The following ST3GAL1 variants were observed in gnomAD, a reference collection of about 807,000 sequenced individuals.
ST3GAL1 encodes ST3 beta-galactoside alpha-2,3-sialyltransferase 1.
A neutral mutation model predicts 34.1 loss-of-function variants in ST3GAL1; 16 were observed. That is an observed-to-expected ratio of 0.47 (90% CI 0.32 to 0.71). The LOEUF is 0.71. Ranked by LOEUF, ST3GAL1 falls within the 30% of genes least tolerant of loss-of-function variation. The pLI, the probability that ST3GAL1 is intolerant of heterozygous loss-of-function variation, is 0.04. For synonymous variants in ST3GAL1, 191 were observed against 184.7 expected (o/e 1.03, Z -0.28); for missense variants, 353 against 447.4 (o/e 0.79, Z 1.90).
At chr8:133,480,441 T>G (rs1487819147) in intron 3 of ST3GAL1, among the ~76,000 whole-genome samples, 1 of 152,060 alleles carries the variant, frequency 6.6e-6, no homozygotes, top group Admixed American at 6.6e-5. Flanking sequence ...GGGATGGTAG[T>G]AAATACCCAT....
intron 2 of ST3GAL1, among the ~76,000 whole-genome samples, chr8:133,510,135 G>A (rs181777571): frequency 4.6e-5 from 7 of 151,094 alleles, no homozygotes; most frequent in East Asian, 3.9e-4. Flanking sequence ...CTGGTTTCCC[G>A]CTGTCCCTAC....
In ST3GAL1 at chr8:133,571,239, C is replaced by G. The variant is rs560571108; in HGVS notation, c.-582+454G>C. 6.6e-6 allele frequency among the ~76,000 whole-genome samples: 1 copy of G among 152,332 alleles called. No homozygotes were observed. The highest frequency in any genetic ancestry group is 2.4e-5 in the African/African-American group (1 of 41,580). Reference sequence around the variant, plus strand: ...CCAAATCCGCTCGAGAGCGCCTGAGCCCGGCCACCCAGCGAGGTCTCCTCC... The same window carrying G: ...CCAAATCCGCTCGAGAGCGCCTGAGGCCGGCCACCCAGCGAGGTCTCCTCC... On this transcript the variant is annotated intron_variant, in intron 1 of 9. Coordinates refer to ENST00000522652, the MANE Select transcript of ST3GAL1 (RefSeq NM_173344.3). This position sits in a 1 kb window ranked among gnomAD's most constrained non-coding sequence, Gnocchi z 6.7.
rs111394187 is a variant in ST3GAL1 at position 133,516,703 on chromosome 8, T to C, written c.-428-17514A>G. Among the ~76,000 whole-genome samples the C allele has an allele frequency of 2.0e-4, 30 of 152,346 alleles. 1 individual carries two copies. Among genetic ancestry groups the C allele is most frequent in the African/African-American group, 6.7e-4 (28 of 41,590 alleles). On this transcript the variant is annotated intron_variant, in intron 2 of 9. Coordinates refer to ENST00000522652, the MANE Select transcript of ST3GAL1 (RefSeq NM_173344.3). ...GCTGGCAGGGCAGCAATTATAAAAG[T>C]GGCCAGCCCAATGTCACAGCTAAAA...
chr8:133,512,656 G>A (rs996994226), intron 2 of ST3GAL1, among the ~76,000 whole-genome samples: 1 of 152,148 alleles, frequency 6.6e-6, no homozygotes, highest in Non-Finnish European at 1.5e-5. Context: ...TCCGCACAGG[G>A]TTGGTCCAGG....
intron 2 of ST3GAL1, among the ~76,000 whole-genome samples, chr8:133,500,424 G>A (rs186284432): frequency 2.0e-3 from 304 of 152,310 alleles, no homozygotes; most frequent in Middle Eastern, 6.8e-3. Flanking sequence ...TTACAAGTAA[G>A]TACTTTTCAG....
chr8:133,555,932 T>C (rs1271338556), intron 1 of ST3GAL1, among the ~76,000 whole-genome samples: 1 of 152,188 alleles, frequency 6.6e-6, no homozygotes. Flanking sequence ...TTCACTTTGG[T>C]GCCCAGGCTG....
At chr8:133,501,474 T>G (rs1470612842) in intron 2 of ST3GAL1, among the ~76,000 whole-genome samples, 1 of 151,990 alleles carries the variant, frequency 6.6e-6, no homozygotes, top group Non-Finnish European at 1.5e-5. Context: ...TCTGGCCGGG[T>G]GCAGTGGTTC....
intron 1 of ST3GAL1, among the ~76,000 whole-genome samples, chr8:133,563,615 G>A (rs968551748): frequency 3.9e-5 from 6 of 152,166 alleles, no homozygotes; most frequent in African/African-American, 1.2e-4. Context: ...CACGATAAGC[G>A]CCAGCATTCA....
chr8:133,492,712 ACT>A (rs1313685741), intron 3 of ST3GAL1, among the ~76,000 whole-genome samples: 2 of 151,926 alleles, frequency 1.3e-5, no homozygotes, highest in Admixed American at 6.6e-5. Flanking sequence ...ACAGAGCAAA[ACT>A]CTGTCTCAAA....
intron 3 of ST3GAL1, among the ~76,000 whole-genome samples, chr8:133,493,923 A>G (rs903206403): frequency 6.6e-6 from 1 of 151,050 alleles, no homozygotes; most frequent in Non-Finnish European, 1.5e-5. Context: ...GACTCTTTTC[A>G]CCTTCTTCTC....
rs1819045555 is a variant in ST3GAL1, at chr8:133,556,843, T to C, written c.-581-10917A>G. ...GGGGGGACATTTTGTTCTTTTGGCC[T>C]CTTAGATGATAAAACTAAGTGGAGG... On this transcript the variant is annotated intron_variant, in intron 1 of 9. Coordinates refer to ENST00000522652, the MANE Select transcript of ST3GAL1 (RefSeq NM_173344.3). The surrounding 1 kb of genome is among the most constrained non-coding windows in gnomAD (Gnocchi z 8.9). Among the ~76,000 whole-genome samples the C allele has an allele frequency of 6.6e-6, 1 of 152,162 alleles. No individual in the cohort carries two copies. Among genetic ancestry groups the C allele is most frequent in the Non-Finnish European group, 1.5e-5 (1 of 68,046 alleles).
At position 133,455,587 on chromosome 8, in the gene ST3GAL1, G is replaced by C. The variant is rs762150864; in HGVS notation, c.*4177C>G. 1 of 152,266 alleles carries C rather than the reference G, an allele frequency of 6.6e-6. No individual in the cohort carries two copies. Among genetic ancestry groups the C allele is most frequent in the Non-Finnish European group, 1.5e-5 (1 of 68,074 alleles). The allele number at this position is 152,266 out of a possible 1,614,324, so 9.4% of individuals were successfully genotyped here. On this transcript the variant is annotated 3_prime_UTR_variant, in exon 10 of 10. Coordinates refer to ENST00000522652, the MANE Select transcript of ST3GAL1 (RefSeq NM_173344.3). ...CCAGTCCACAGGGCAGGATAATCCT[G>C]ATGGCGTGTAGCCACATTTGCTGCA...
rs113140582 is a variant in ST3GAL1 at position 133,552,435 on chromosome 8, G to A, written c.-581-6509C>T. Among the ~76,000 whole-genome samples, 33 of 152,340 alleles carry A rather than the reference G, an allele frequency of 2.2e-4. 1 individual carries two copies. The highest frequency in any genetic ancestry group is 7.7e-4 in the African/African-American group (32 of 41,584). On this transcript the variant is annotated intron_variant, in intron 1 of 9. Coordinates refer to ENST00000522652, the MANE Select transcript of ST3GAL1 (RefSeq NM_173344.3). ...GTGCTGGAAGGCCCTCAGCAGAGCCGTTGGCTGGGCTGCATGTCGAGAACC... is the reference window on the plus strand; with the variant it reads ...GTGCTGGAAGGCCCTCAGCAGAGCCATTGGCTGGGCTGCATGTCGAGAACC...
intron 3 of ST3GAL1, among the ~76,000 whole-genome samples, chr8:133,482,819 C>T (rs1366744515): frequency 2.0e-5 from 3 of 152,218 alleles, no homozygotes; most frequent in Admixed American, 1.3e-4. Flanking sequence ...AACTGCTGTC[C>T]GGCCCATGCC....
intron 2 of ST3GAL1, among the ~76,000 whole-genome samples, chr8:133,529,228 C>G (rs533932216): frequency 6.6e-6 from 1 of 152,206 alleles, no homozygotes; most frequent in Non-Finnish European, 1.5e-5. Flanking sequence ...AGATGGAGAA[C>G]GACTAGGTCC....
At chr8:133,549,554 A>G (rs1818780054) in intron 1 of ST3GAL1, among the ~76,000 whole-genome samples, 1 of 152,234 alleles carries the variant, frequency 6.6e-6, no homozygotes, top group Admixed American at 6.5e-5. Flanking sequence ...GCAACGCATA[A>G]CATCTTGAAC....
Position 133,458,746 on chromosome 8 carries a change from C to T in ST3GAL1, c.*1018G>A, listed in dbSNP as rs1417069111. ...AATGCATGCTTTTCTTTCCCAAATACAAAGGCACATGGAAGTGGTCAGATC... is the reference window on the plus strand; with the variant it reads ...AATGCATGCTTTTCTTTCCCAAATATAAAGGCACATGGAAGTGGTCAGATC... On this transcript the variant is annotated 3_prime_UTR_variant, in exon 10 of 10. Transcript: ENST00000522652. The T allele has an allele frequency of 6.6e-6, 1 of 152,132 alleles. No homozygotes were observed. Among genetic ancestry groups the T allele is most frequent in the Non-Finnish European group, 1.5e-5 (1 of 68,050 alleles). 9.4% of individuals were successfully genotyped at this position (152,132 alleles called of 1,614,324 possible).
chr8:133,525,188 G>A (rs1372749061), intron 2 of ST3GAL1, among the ~76,000 whole-genome samples: 1 of 152,194 alleles, frequency 6.6e-6, no homozygotes, highest in African/African-American at 2.4e-5. Flanking sequence ...TGGGTAGCTC[G>A]TTTCCACAGG....
At chr8:133,563,322 T>C (rs1819300937) in intron 1 of ST3GAL1, among the ~76,000 whole-genome samples, 1 of 152,202 alleles carries the variant, frequency 6.6e-6, no homozygotes, top group Admixed American at 6.5e-5. Flanking sequence ...TTCTCAACTT[T>C]TCTGAATTAT....
Sources: gnomAD v4.1 joint callset for allele counts (sites outside exome capture counted in the v4.1 genomes callset) on GRCh38, gnomAD v4.1.1 for gene constraint, Gnocchi (gnomAD v3.1) non-coding constraint, MANE v1.5 for transcripts, NCBI Gene and HGNC (gene_info 2026-07-23, HGNC 2026-07-21) for gene names.